The following ZBED6 variants were observed in gnomAD, a reference collection of about 807,000 sequenced individuals.
ZBED6 encodes the protein zinc finger BED-type containing 6, also known as zinc finger BED domain-containing protein 6.
ZBED6 carries 40 observed loss-of-function variants against 58.4 expected under a neutral mutation model. That is an observed-to-expected ratio of 0.68 (90% CI 0.53 to 0.89). ZBED6 has a LOEUF of 0.89. Ranked by LOEUF, ZBED6 falls within the 40% of genes least tolerant of loss-of-function variation. The pLI is 0.00. For missense variants in ZBED6, 1,057 were observed against 1,003.9 expected (o/e 1.05, Z -0.71); for synonymous variants, 439 against 350.6 (o/e 1.25, Z -2.82).
intron 12 of ZBED6, 34 bp from the exon 13 acceptor site, chr1:203,848,292 TAAATA>T (rs771426615): frequency 2.8e-5 from 43 of 1,542,770 alleles, no homozygotes; most frequent in Non-Finnish European, 3.5e-5. Context: ...AGTTGCAGCT[TAAATA>T]AAATAACTAA....
intron 1 of ZBED6, among the ~76,000 whole-genome samples, chr1:203,815,419 A>T: frequency 7.8e-6 from 1 of 127,754 alleles, no homozygotes; most frequent in African/African-American, 3.0e-5. Context: ...GGGTTTTGCC[A>T]TGTTGTCCAG....
At position 203,822,020 on chromosome 1, in the gene ZBED6, G is replaced by T. The variant is rs557252104; in HGVS notation, c.*2873+3331G>T. On this transcript the variant is annotated intron_variant, in intron 3 of 16. Coordinates refer to ENST00000550078, the Ensembl canonical transcript of ZBED6. Reference sequence around the variant, plus strand: ...GATCCGCCCGCCTTGGCCTCCCAAAGTCCTGGGATTACAGGTGTGAGCCAC... The same window carrying T: ...GATCCGCCCGCCTTGGCCTCCCAAATTCCTGGGATTACAGGTGTGAGCCAC... 2.2e-3 allele frequency among the ~76,000 whole-genome samples: 335 copies of T among 152,216 alleles called. 1 individual carries two copies. The highest frequency in any genetic ancestry group is 3.5e-3 in the Non-Finnish European group (235 of 68,012).
intron 11 of ZBED6, among the ~76,000 whole-genome samples, chr1:203,843,682 G>C (rs571849813): frequency 6.6e-6 from 1 of 152,176 alleles, no homozygotes; most frequent in Non-Finnish European, 1.5e-5. Flanking sequence ...ACAAAATTAG[G>C]TGGTGGCCAT....
At chr1:203,844,318 CG>C (rs1471379116) in intron 11 of ZBED6, among the ~76,000 whole-genome samples, 2 of 152,094 alleles carry the variant, frequency 1.3e-5, no homozygotes, top group African/African-American at 2.4e-5. Context: ...TGTGCAATCA[CG>C]CCTGGCTAAC....
At chr1:203,806,431 A>T (rs1672371163) in intron 1 of ZBED6, among the ~76,000 whole-genome samples, 1 of 151,944 alleles carries the variant, frequency 6.6e-6, no homozygotes, top group African/African-American at 2.4e-5. Flanking sequence ...CCTGCTGAGT[A>T]GCTGGGATTA....
At chr1:203,848,447 C>T in intron 13 of ZBED6, 40 bp downstream of exon 13, 1 of 1,497,592 alleles carries the variant, frequency 6.7e-7, no homozygotes, top group Non-Finnish European at 9.2e-7. Context: ...TCATGGCAAA[C>T]AAAGGCTAGA....
At chr1:203,840,443 G>A in intron 11 of ZBED6, 69 bp downstream of exon 11, 6 of 1,474,632 alleles carry the variant, frequency 4.1e-6, no homozygotes, top group Non-Finnish European at 5.6e-6. Flanking sequence ...CTTTTTCTCA[G>A]ATTTACCTGT....
At chr1:203,808,785 G>A (rs893889291) in intron 1 of ZBED6, among the ~76,000 whole-genome samples, 5 of 152,066 alleles carry the variant, frequency 3.3e-5, no homozygotes, top group Middle Eastern at 3.4e-3. Context: ...CTTCGTCGTC[G>A]TCATCGCCAT....
chr1:203,838,476 C>CT (rs1336806218), intron 10 of ZBED6, among the ~76,000 whole-genome samples: 1 of 152,186 alleles, frequency 6.6e-6, no homozygotes, highest in Non-Finnish European at 1.5e-5. Flanking sequence ...GAGCCAGAGA[C>CT]TGTGTCTCAG....
chr1:203,850,947 C>A, intron 15 of ZBED6, 110 bp from the exon 16 acceptor site: 2 of 1,320,974 alleles, frequency 1.5e-6, no homozygotes. Context: ...CTTAGATTCA[C>A]AGGCTTAAAG....
intron 1 of ZBED6, among the ~76,000 whole-genome samples, chr1:203,804,276 C>T (rs560482038): frequency 6.6e-6 from 1 of 151,764 alleles, no homozygotes; most frequent in South Asian, 2.1e-4. Flanking sequence ...CTCAGCCTCC[C>T]GAGTAGCTGG....
At chr1:203,798,180 A>T (rs1161047930) in exon 1 of ZBED6, 1 of 1,536,138 alleles carries the variant, frequency 6.5e-7, no homozygotes, top group East Asian at 2.4e-5. Flanking sequence ...ATATATTCCT[A>T]CTGATCCATT....
intron 9 of ZBED6, among the ~76,000 whole-genome samples, chr1:203,835,035 T>G (rs1683815030): frequency 6.6e-6 from 1 of 152,240 alleles, no homozygotes; most frequent in Non-Finnish European, 1.5e-5. Context: ...CTATCTCTAT[T>G]TTGTGTTGTC....
At chr1:203,831,435 C>T (rs533749820) in intron 7 of ZBED6, among the ~76,000 whole-genome samples, 2 of 152,102 alleles carry the variant, frequency 1.3e-5, no homozygotes, top group African/African-American at 4.8e-5. Flanking sequence ...GTTTGGGTGC[C>T]TAAGTCACTC....
intron 3 of ZBED6, among the ~76,000 whole-genome samples, chr1:203,823,331 CTT>C (rs1679395507): frequency 1.3e-5 from 2 of 152,204 alleles, no homozygotes; most frequent in African/African-American, 2.4e-5. Flanking sequence ...AGAGCACACT[CTT>C]TTCCTAGTCA....
chr1:203,840,618 T>TTATG (rs1685800451), intron 11 of ZBED6, among the ~76,000 whole-genome samples: 1 of 149,794 alleles, frequency 6.7e-6, no homozygotes, highest in African/African-American at 2.4e-5. Flanking sequence ...ATTTATTTAT[T>TTATG]TATTTATTTA....
chr1:203,852,027 C>A (rs916960561), intron 16 of ZBED6, 114 bp from the exon 17 acceptor site: 11 of 454,594 alleles, frequency 2.4e-5, no homozygotes, highest in Non-Finnish European at 4.0e-5. Flanking sequence ...AGAATTATTT[C>A]TTTATGTATG....
At chr1:203,847,650 A>G (rs1572358931) in exon 12 of ZBED6, 10 of 1,613,082 alleles carry the variant, frequency 6.2e-6, no homozygotes, top group African/African-American at 4.0e-5. Context: ...AGGCCACTCC[A>G]GGGGCAAGGC....
intron 11 of ZBED6, 136 bp from the exon 12 acceptor site, chr1:203,847,048 A>G (rs1441904263): frequency 2.5e-5 from 23 of 922,730 alleles, no homozygotes; most frequent in Non-Finnish European, 8.3e-6. Context: ...AATAAATGTT[A>G]CCCTTTTGAT....
Sources: allele counts gnomAD v4.1 joint callset (sites outside exome capture counted in the v4.1 genomes callset), GRCh38; gene constraint gnomAD v4.1.1; transcripts MANE v1.5; gene names NCBI Gene and HGNC (gene_info 2026-07-23, HGNC 2026-07-21).